TBCK: variants seen among roughly 807,000 people sequenced by gnomAD.
TBCK encodes the protein TBC domain-containing protein kinase-like protein.
In TBCK, 99 loss-of-function variants were observed where a neutral mutation model predicts 113.4. That is an observed-to-expected ratio of 0.87 (90% CI 0.74 to 1.03). The LOEUF (loss-of-function observed/expected upper bound fraction) is 1.03. TBCK is among the 50% of genes least tolerant of loss of function. The pLI, the probability that TBCK is intolerant of heterozygous loss-of-function variation, is 0.00. For synonymous variants in TBCK, 369 were observed against 370.8 expected (o/e 1.00, Z 0.05); for missense variants, 1,045 against 1,061.3 (o/e 0.98, Z 0.21).
At chr4:106,048,262 A>G (rs1734433354) in intron 25 of TBCK, among the ~76,000 whole-genome samples, 1 of 152,160 alleles carries the variant, frequency 6.6e-6, no homozygotes, top group Non-Finnish European at 1.5e-5. Flanking sequence ...GATCTTAGCA[A>G]TCTCCAAAAT....
intron 23 of TBCK, among the ~76,000 whole-genome samples, chr4:106,159,041 A>C (rs1420193310): frequency 6.6e-6 from 1 of 152,030 alleles, no homozygotes; most frequent in African/African-American, 2.4e-5. Context: ...AGAGAAAAAA[A>C]AAAAACAACC....
In TBCK at chr4:106,095,644, G is replaced by C; in HGVS notation, c.2412-3C>G. On this transcript the variant is annotated splice_polypyrimidine_tract_variant and splice_region_variant and intron_variant, in intron 24 of 25. Transcript: ENST00000394708. Reference sequence around the variant, plus strand: ...CTGAAATGTGACCACGAATAAAGCTGAGAAGGAAAGTTTAAGGAAAACATT... The same window carrying C: ...CTGAAATGTGACCACGAATAAAGCTCAGAAGGAAAGTTTAAGGAAAACATT... 6.2e-7 allele frequency: 1 copy of C among 1,611,840 alleles called. No individual in the cohort carries two copies. The highest frequency in any genetic ancestry group is 8.5e-7 in the Non-Finnish European group (1 of 1,178,928).
At chr4:106,187,165 G>A (rs1753117831) in intron 22 of TBCK, among the ~76,000 whole-genome samples, 1 of 152,104 alleles carries the variant, frequency 6.6e-6, no homozygotes. Context: ...TTGAAATTGG[G>A]TAGTGTGATG....
intron 2 of TBCK, among the ~76,000 whole-genome samples, chr4:106,305,270 A>C (rs756907242): frequency 1.6e-4 from 24 of 151,824 alleles, no homozygotes; most frequent in Non-Finnish European, 3.1e-4. Flanking sequence ...ATTAATCAAG[A>C]GACATAAATG....
chr4:106,121,433 T>C (rs1312176895), intron 23 of TBCK, among the ~76,000 whole-genome samples: 1 of 145,344 alleles, frequency 6.9e-6, no homozygotes, highest in African/African-American at 2.6e-5. Flanking sequence ...TGGGAGACTT[T>C]AACACCCCAC....
rs988620414 is a variant in TBCK at position 106,252,155 on chromosome 4, T to A, written c.456-148A>T. 4 of 589,412 alleles carry A rather than the reference T, an allele frequency of 6.8e-6. No individual in the cohort carries two copies. The African/African-American group carries it at 7.5e-5, about 11-fold the overall frequency. 36.5% of individuals were successfully genotyped at this position (589,412 alleles called of 1,614,324 possible). A position where few individuals can be genotyped will look rare whatever the true frequency, so the allele number is the denominator to read the frequency against. ...AGAAAGCATTCTAAACTAACCATCATAATACAGAACTTTAATGTCAAGGAA... is the reference window on the plus strand; with the variant it reads ...AGAAAGCATTCTAAACTAACCATCAAAATACAGAACTTTAATGTCAAGGAA... On this transcript the variant is annotated intron_variant, in intron 5 of 25. Transcript: ENST00000394708.
intron 23 of TBCK, among the ~76,000 whole-genome samples, chr4:106,130,064 C>T (rs770431181): frequency 6.6e-6 from 1 of 152,156 alleles, no homozygotes; most frequent in East Asian, 1.9e-4. Context: ...AGCTAATATC[C>T]ATAATTTACT....
chr4:106,299,103 A>C (rs1457934074), intron 2 of TBCK, among the ~76,000 whole-genome samples: 1 of 152,260 alleles, frequency 6.6e-6, no homozygotes, highest in Admixed American at 6.5e-5. Context: ...TCACAGTAGT[A>C]CATCACAGGA....
chr4:106,140,473 C>T (rs1282825611), intron 23 of TBCK, among the ~76,000 whole-genome samples: 1 of 139,944 alleles, frequency 7.1e-6, no homozygotes, highest in Non-Finnish European at 1.6e-5. Flanking sequence ...ATAAAAAAAA[C>T]TACATATAAT....
At chr4:106,096,692 GA>G (rs1740950623) in intron 24 of TBCK, among the ~76,000 whole-genome samples, 1 of 152,176 alleles carries the variant, frequency 6.6e-6, no homozygotes. Flanking sequence ...CAGGATGGTG[GA>G]GGGGAGGGTG....
intron 23 of TBCK, chr4:106,163,434 C>T (rs556823287): frequency 6.6e-5 from 10 of 152,298 alleles, no homozygotes; most frequent in Admixed American, 3.3e-4. Context: ...TCCACATTTT[C>T]GGTATCCTTA....
intron 23 of TBCK, among the ~76,000 whole-genome samples, chr4:106,146,748 G>A (rs997216668): frequency 3.9e-5 from 6 of 152,028 alleles, no homozygotes; most frequent in African/African-American, 1.4e-4. Context: ...CTGTGGCTAC[G>A]GCAGCTTCTT....
At chr4:106,217,292 C>T (rs1422450323) in intron 19 of TBCK, among the ~76,000 whole-genome samples, 1 of 152,122 alleles carries the variant, frequency 6.6e-6, no homozygotes, top group Non-Finnish European at 1.5e-5. Context: ...GAAGCATTCC[C>T]TTTGAAAACT....
intron 25 of TBCK, among the ~76,000 whole-genome samples, chr4:106,087,749 A>C (rs62321363): frequency 0.049 from 7,434 of 152,272 alleles, 261 homozygotes; most frequent in Middle Eastern, 0.12. Flanking sequence ...AGCAGGACCA[A>C]CATACAGACC....
chr4:106,260,371 A>G (rs976859449), intron 5 of TBCK, 66 bp downstream of exon 5: 3 of 645,018 alleles, frequency 4.7e-6, no homozygotes, highest in Non-Finnish European at 7.2e-6. Flanking sequence ...AATTAACAAA[A>G]TATACATGTT....
At chr4:106,295,702 C>T (rs1357854158) in intron 2 of TBCK, among the ~76,000 whole-genome samples, 1 of 152,012 alleles carries the variant, frequency 6.6e-6, no homozygotes, top group Non-Finnish European at 1.5e-5. Flanking sequence ...AGGTGCCAAC[C>T]CCCTAAATGG....
chr4:106,194,263 T>G (rs1753970878), intron 21 of TBCK, among the ~76,000 whole-genome samples: 1 of 152,090 alleles, frequency 6.6e-6, no homozygotes, highest in South Asian at 2.1e-4. Context: ...AGTTACCATG[T>G]AAACCATATT....
chr4:106,096,039 C>T (rs1183282106), intron 24 of TBCK, among the ~76,000 whole-genome samples: 1 of 151,718 alleles, frequency 6.6e-6, no homozygotes, highest in African/African-American at 2.4e-5. Context: ...AAGGGTATGA[C>T]ATTAATAATG....
chr4:106,120,691 C>T (rs1560677034), intron 23 of TBCK, among the ~76,000 whole-genome samples: 3 of 152,298 alleles, frequency 2.0e-5, no homozygotes, highest in African/African-American at 7.2e-5. Flanking sequence ...GGGAGGCACC[C>T]CCCAGCAGGG....
Sources: gnomAD v4.1 joint callset for allele counts (sites outside exome capture counted in the v4.1 genomes callset) on GRCh38, gnomAD v4.1.1 for gene constraint, MANE v1.5 for transcripts, NCBI Gene and HGNC (gene_info 2026-07-23, HGNC 2026-07-21) for gene names.